Variants in FSTL4 observed in about 807,000 individuals in gnomAD.
The protein encoded by FSTL4 is follistatin-related protein 4.
In FSTL4, 28 loss-of-function variants were observed where a neutral mutation model predicts 78.2. That is an observed-to-expected ratio of 0.36 (90% CI 0.27 to 0.49). The LOEUF is 0.49. Ranked by LOEUF, FSTL4 falls within the 20% of genes least tolerant of loss-of-function variation. The pLI is 0.98. For missense variants in FSTL4, 922 were observed against 1,084.9 expected, an observed-to-expected ratio of 0.85 and a Z score of 2.11; for synonymous variants, 422 against 440.5, an observed-to-expected ratio of 0.96 and a Z score of 0.53.
At chr5:133,233,929 C>A (rs1313369013) in intron 7 of FSTL4, among the ~76,000 whole-genome samples, 2 of 152,114 alleles carry the variant, frequency 1.3e-5, no homozygotes, top group African/African-American at 4.8e-5. Flanking sequence ...GAGGCCAGGC[C>A]TTGTTTAGAG....
intron 4 of FSTL4, among the ~76,000 whole-genome samples, chr5:133,339,383 G>C (rs975321394): frequency 6.6e-6 from 1 of 152,136 alleles, no homozygotes; most frequent in Admixed American, 6.5e-5. Flanking sequence ...GGAGGGCTTT[G>C]GGTCTTAGCT....
At chr5:133,360,835 G>A (rs531096091) in intron 4 of FSTL4, among the ~76,000 whole-genome samples, 5 of 152,252 alleles carry the variant, frequency 3.3e-5, no homozygotes, top group East Asian at 1.9e-4. Flanking sequence ...GAGATGGCGC[G>A]TCCCATTCTC....
chr5:133,700,502 A>G, the FSTL4 span, among the ~76,000 whole-genome samples: 2 of 152,358 alleles, frequency 1.3e-5, no homozygotes, highest in African/African-American at 4.8e-5. Flanking sequence ...TCTGCTCACG[A>G]CAGGTCTGCT....
At chr5:133,462,708 G>A (rs555463002) in intron 3 of FSTL4, among the ~76,000 whole-genome samples, 1 of 152,296 alleles carries the variant, frequency 6.6e-6, no homozygotes, top group Admixed American at 6.5e-5. Flanking sequence ...GACTCTGCAC[G>A]GTCCAGCTGG....
At chr5:133,252,866 G>A (rs1225025788) in intron 6 of FSTL4, among the ~76,000 whole-genome samples, 3 of 152,138 alleles carry the variant, frequency 2.0e-5, no homozygotes, top group Non-Finnish European at 2.9e-5. Context: ...TCCTCTGCTG[G>A]CTGGGATAAC....
chr5:133,200,903 T>C (rs1750299491), intron 15 of FSTL4, among the ~76,000 whole-genome samples: 1 of 152,160 alleles, frequency 6.6e-6, no homozygotes, highest in Admixed American at 6.5e-5. Context: ...TATAAGAAAC[T>C]TTAAGTTAAA....
At chr5:133,650,429 T>G in the FSTL4 span, among the ~76,000 whole-genome samples, 1 of 152,240 alleles carries the variant, frequency 6.6e-6, no homozygotes, top group African/African-American at 2.4e-5. Flanking sequence ...ATTTTATAAA[T>G]TTGCATTTTA....
intron 7 of FSTL4, among the ~76,000 whole-genome samples, chr5:133,249,201 C>T (rs567792986): frequency 7.2e-5 from 11 of 152,336 alleles, no homozygotes; most frequent in Middle Eastern, 3.4e-3. Context: ...CTTCCTTAGC[C>T]GGACATAGCA....
the FSTL4 span, among the ~76,000 whole-genome samples, chr5:133,693,990 C>T: frequency 2.6e-5 from 4 of 152,236 alleles, no homozygotes; most frequent in Admixed American, 1.3e-4. Context: ...TCCTCACAGA[C>T]ATGCCCAGAA....
intron 4 of FSTL4, among the ~76,000 whole-genome samples, chr5:133,324,962 T>C (rs1273839605): frequency 6.6e-6 from 1 of 152,218 alleles, no homozygotes; most frequent in Non-Finnish European, 1.5e-5. Context: ...GCAATGCTGT[T>C]CCCATGGAGT....
chr5:133,721,944 C>T, the FSTL4 span, among the ~76,000 whole-genome samples: 1 of 152,162 alleles, frequency 6.6e-6, no homozygotes, highest in Non-Finnish European at 1.5e-5. Flanking sequence ...TCTCATAAGT[C>T]CCATAGACTG....
chr5:133,207,301 GTCTC>G (rs1181950952), intron 14 of FSTL4, among the ~76,000 whole-genome samples: 1 of 152,146 alleles, frequency 6.6e-6, no homozygotes, highest in Non-Finnish European at 1.5e-5. Context: ...AGCACCTACT[GTCTC>G]TCAACATGCT....
At chr5:133,542,926 T>C (rs1022366827) in intron 3 of FSTL4, among the ~76,000 whole-genome samples, 6 of 152,122 alleles carry the variant, frequency 3.9e-5, no homozygotes, top group African/African-American at 1.4e-4. Flanking sequence ...GTTGTACTTT[T>C]TTTTTTTCAA....
At chr5:133,739,769 T>C in the FSTL4 span, among the ~76,000 whole-genome samples, 1 of 152,342 alleles carries the variant, frequency 6.6e-6, no homozygotes, top group South Asian at 2.1e-4. Context: ...ACCTTCCTTC[T>C]GTGGAGAAGG....
intron 3 of FSTL4, among the ~76,000 whole-genome samples, chr5:133,495,153 G>A (rs144820362): frequency 9.2e-5 from 14 of 152,192 alleles, no homozygotes; most frequent in African/African-American, 2.4e-4. Flanking sequence ...CTTACACACC[G>A]GTTGGGAATG....
At chr5:133,522,967 G>T (rs1297612020) in intron 3 of FSTL4, among the ~76,000 whole-genome samples, 1 of 152,184 alleles carries the variant, frequency 6.6e-6, no homozygotes, top group Non-Finnish European at 1.5e-5. Flanking sequence ...GTAAGGGACT[G>T]AATTGTGCCC....
rs537147557 is a variant in FSTL4, at chr5:133,205,236, G to A, written c.1717-3194C>T. ...ATTAAATGTCTTTTCAGTATTTATT[G>A]AAAACGTCCTACATGTTTTCTCTTT... On this transcript the variant is annotated intron_variant, in intron 14 of 15. Transcript: ENST00000265342. Among the ~76,000 whole-genome samples the A allele has an allele frequency of 1.2e-4, 18 of 152,178 alleles. No individual in the cohort carries two copies. In the East Asian group the frequency reaches 2.9e-3, roughly 24 times the overall value.
At position 133,491,382 on chromosome 5, in the gene FSTL4, T is replaced by C. The variant is rs576744167; in HGVS notation, c.160+75804A>G. 1.2e-4 allele frequency among the ~76,000 whole-genome samples: 18 copies of C among 152,146 alleles called. 1 individual carries two copies. The highest frequency in any genetic ancestry group is 4.1e-4 in the African/African-American group (17 of 41,518). On this transcript the variant is annotated intron_variant, in intron 3 of 15. Transcript: ENST00000265342. ...CTTAAACAATACTTTGATATTAATG[T>C]TACTACAAACAATTTTTTCTTTTTT...
intron 4 of FSTL4, among the ~76,000 whole-genome samples, chr5:133,316,858 CTA>C (rs66521706): frequency 0.23 from 34,362 of 151,880 alleles, 4,213 homozygotes; most frequent in Non-Finnish European, 0.28. Flanking sequence ...GGAATGCATG[CTA>C]CACATGATGC....
Sources: gnomAD v4.1 joint callset for allele counts (sites outside exome capture counted in the v4.1 genomes callset) on GRCh38, gnomAD v4.1.1 for gene constraint, MANE v1.5 for transcripts, NCBI Gene and HGNC (gene_info 2026-07-23, HGNC 2026-07-21) for gene names.